Variants in CNOT6L observed in about 807,000 individuals in gnomAD.
The protein encoded by CNOT6L is CCR4-NOT transcription complex subunit 6 like.
CNOT6L carries 7 observed loss-of-function variants against 64.0 expected under a neutral mutation model. The ratio of observed to expected loss-of-function variants is 0.11; its 90% confidence interval spans 0.06 to 0.21. The LOEUF is 0.21. Ranked by LOEUF, CNOT6L falls within the 10% of genes least tolerant of loss-of-function variation. CNOT6L has a pLI of 1.00. For synonymous variants in CNOT6L, 193 were observed against 243.4 expected (o/e 0.79, Z 1.93); for missense variants, 245 against 669.0 (o/e 0.37, Z 6.99).
In CNOT6L at chr4:77,719,157, A is replaced by C. The variant is rs1308034653; in HGVS notation, c.*1274T>G. On this transcript the variant is annotated 3_prime_UTR_variant, in exon 12 of 12. Transcript: ENST00000504123. ...TTCCCCAGAAAACAGTATTCTGTTCACTGCCTCTTGAGTCACAGATTTTCA... is the reference window on the plus strand; with the variant it reads ...TTCCCCAGAAAACAGTATTCTGTTCCCTGCCTCTTGAGTCACAGATTTTCA... 3.9e-5 allele frequency: 6 copies of C among 152,646 alleles called. No individual in the cohort carries two copies. Among genetic ancestry groups the C allele is most frequent in the Non-Finnish European group, 7.3e-5 (5 of 68,036 alleles). The allele number at this position is 152,646 out of a possible 1,614,324, so 9.5% of individuals were successfully genotyped here. A position where few individuals can be genotyped will look rare whatever the true frequency, so the allele number is the denominator to read the frequency against.
At chr4:77,739,481 C>CT (rs113756238) in intron 8 of CNOT6L, among the ~76,000 whole-genome samples, 117 of 152,254 alleles carry the variant, frequency 7.7e-4, no homozygotes, top group Middle Eastern at 3.4e-3. Context: ...AACTCACAGT[C>CT]TTTTTTTGCC....
At chr4:77,809,944 C>T (rs1486870234) in intron 1 of CNOT6L, among the ~76,000 whole-genome samples, 3 of 152,060 alleles carry the variant, frequency 2.0e-5, no homozygotes, top group South Asian at 4.1e-4. Context: ...CCCCAAATTA[C>T]CAGGCATCTA....
intron 5 of CNOT6L, 72 bp from the exon 6 acceptor site, chr4:77,748,456 A>G (rs967431834): frequency 2.1e-6 from 2 of 971,180 alleles, no homozygotes; most frequent in African/African-American, 3.2e-5. Flanking sequence ...ATAATGTCAA[A>G]AACACTTCTG....
At chr4:77,794,739 T>C (rs924107765) in intron 1 of CNOT6L, among the ~76,000 whole-genome samples, 11 of 152,172 alleles carry the variant, frequency 7.2e-5, no homozygotes, top group East Asian at 5.8e-4. Flanking sequence ...CTCACTTCTA[T>C]TGAAGTTTAC....
At chr4:77,814,979 T>C (rs988344922) in intron 1 of CNOT6L, among the ~76,000 whole-genome samples, 2 of 152,172 alleles carry the variant, frequency 1.3e-5, no homozygotes, top group Non-Finnish European at 2.9e-5. Context: ...TGTTGTTTAC[T>C]TGATGATTTT....
At chr4:77,756,806 T>C (rs904325108) in intron 5 of CNOT6L, 56 bp downstream of exon 5, 15 of 1,072,908 alleles carry the variant, frequency 1.4e-5, no homozygotes, top group Non-Finnish European at 1.8e-5. Flanking sequence ...GAACATATAT[T>C]AGCTAGTTCA....
At chr4:77,793,920 G>A (rs1044484928) in intron 1 of CNOT6L, among the ~76,000 whole-genome samples, 5 of 151,880 alleles carry the variant, frequency 3.3e-5, no homozygotes, top group African/African-American at 1.2e-4. Context: ...GGAAGCTGCG[G>A]CGGGTAGATC....
At chr4:77,778,342 T>C (rs1337704206) in intron 1 of CNOT6L, among the ~76,000 whole-genome samples, 1 of 151,466 alleles carries the variant, frequency 6.6e-6, no homozygotes, top group Non-Finnish European at 1.5e-5. Flanking sequence ...ATTCATTACC[T>C]ACAATGAGAA....
intron 1 of CNOT6L, among the ~76,000 whole-genome samples, chr4:77,794,314 T>C (rs1469765944): frequency 6.6e-6 from 1 of 151,882 alleles, no homozygotes. Flanking sequence ...TACCCTAATA[T>C]CAAATGAAAC....
chr4:77,761,792 G>A (rs1726274246), intron 4 of CNOT6L, among the ~76,000 whole-genome samples: 1 of 151,992 alleles, frequency 6.6e-6, no homozygotes, highest in African/African-American at 2.4e-5. Context: ...CAAGAAAAAG[G>A]AAATTAAAAA....
At chr4:77,772,360 G>T (rs1727651827) in intron 4 of CNOT6L, among the ~76,000 whole-genome samples, 1 of 152,100 alleles carries the variant, frequency 6.6e-6, no homozygotes, top group East Asian at 1.9e-4. Flanking sequence ...CCAAGTAGCT[G>T]GGATTACAGG....
chr4:77,773,189 A>T (rs1560415754), intron 3 of CNOT6L, 23 bp from the exon 4 acceptor site: 4 of 1,289,190 alleles, frequency 3.1e-6, no homozygotes, highest in East Asian at 2.6e-5. Flanking sequence ...AAAAAAAAAA[A>T]TTAGTTTAAT....
chr4:77,794,650 A>G (rs979949194), intron 1 of CNOT6L, among the ~76,000 whole-genome samples: 3 of 152,222 alleles, frequency 2.0e-5, no homozygotes, highest in Non-Finnish European at 4.4e-5. Flanking sequence ...GGCATCAATG[A>G]AAAATCTATA....
At chr4:77,723,785 C>G (rs931082726) in intron 11 of CNOT6L, among the ~76,000 whole-genome samples, 2 of 152,182 alleles carry the variant, frequency 1.3e-5, no homozygotes, top group African/African-American at 4.8e-5. Flanking sequence ...TTTAGCCATA[C>G]TTATTTGAAC....
intron 5 of CNOT6L, among the ~76,000 whole-genome samples, chr4:77,754,991 G>A (rs770085720): frequency 2.1e-5 from 3 of 143,016 alleles, no homozygotes; most frequent in East Asian, 2.0e-4. Context: ...GGATAAAAGC[G>A]GTACCATAAC....
chr4:77,763,078 G>T (rs2110022018), intron 4 of CNOT6L, among the ~76,000 whole-genome samples: 1 of 152,040 alleles, frequency 6.6e-6, no homozygotes, highest in South Asian at 2.1e-4. Context: ...TAAATAGAAT[G>T]AAAAATATGG....
chr4:77,772,978 CGTA>C, intron 4 of CNOT6L, 100 bp downstream of exon 4: 1 of 678,226 alleles, frequency 1.5e-6, no homozygotes, highest in Non-Finnish European at 2.6e-6. Context: ...AGAAAGTACA[CGTA>C]GTCACATTCT....
In CNOT6L at chr4:77,800,775, G is replaced by A. The variant is rs558361339; in HGVS notation, c.5+18529C>T. 2.0e-5 allele frequency among the ~76,000 whole-genome samples: 3 copies of A among 152,248 alleles called. No individual in the cohort carries two copies. The East Asian group carries it at 5.8e-4, about 29-fold the overall frequency. ...AGTAGAGTAAAACAGAAAAATCTTA[G>A]TAGCCCAACTGTCTGAAATAAAACT... On this transcript the variant is annotated intron_variant, in intron 1 of 11. Coordinates refer to ENST00000504123, the MANE Select transcript of CNOT6L (RefSeq NM_144571.3).
rs193171514 is a variant in CNOT6L, at chr4:77,792,013, A to G, written c.6-15621T>C. 2.5e-3 allele frequency among the ~76,000 whole-genome samples: 382 copies of G among 152,310 alleles called. 1 individual carries two copies. Among genetic ancestry groups the G allele is most frequent in the Non-Finnish European group, 3.9e-3 (262 of 68,024 alleles). The stretch of plus-strand genomic sequence containing the variant: ...TTCAATAATTTTAAATTCAAATAAA[A>G]TTACCCAGAGTTACTTTACTTTGTT... On this transcript the variant is annotated intron_variant, in intron 1 of 11. Transcript: ENST00000504123.
Sources: allele counts gnomAD v4.1 joint callset (sites outside exome capture counted in the v4.1 genomes callset), GRCh38; gene constraint gnomAD v4.1.1; transcripts MANE v1.5; gene names NCBI Gene and HGNC (gene_info 2026-07-23, HGNC 2026-07-21).